The following TRABD2B variants were observed in gnomAD, a reference collection of about 807,000 sequenced individuals.
TRABD2B encodes TraB domain containing 2B.
A neutral mutation model predicts 40.1 loss-of-function variants in TRABD2B; 14 were observed. That is an observed-to-expected ratio of 0.35 (90% CI 0.23 to 0.55). The LOEUF (loss-of-function observed/expected upper bound fraction) is 0.55. Ranked by LOEUF, TRABD2B falls within the 20% of genes least tolerant of loss-of-function variation. The probability of loss-of-function intolerance (pLI) is 0.90; values close to 1 mark genes in which losing one functional copy is unlikely to be tolerated. For missense variants in TRABD2B, 541 were observed against 648.6 expected, an observed-to-expected ratio of 0.83 and a Z score of 1.80; for synonymous variants, 263 against 277.0, an observed-to-expected ratio of 0.95 and a Z score of 0.50.
chr1:47,761,800 A>AC lies in TRABD2B; in HGVS notation c.*4101_*4102insG, dbSNP rs1298539510. On this transcript the variant is annotated 3_prime_UTR_variant, in exon 7 of 7. Coordinates refer to ENST00000606738, the MANE Select transcript of TRABD2B (RefSeq NM_001194986.2). ...CCCCAGACAGCTTTGGCTTGGTGGA[A>AC]ATTATGCCACTGGTGGAACTAAGGT... 1 of 152,154 alleles carries AC rather than the reference A, an allele frequency of 6.6e-6. No individual in the cohort carries two copies. Among genetic ancestry groups the AC allele is most frequent in the East Asian group, 1.9e-4 (1 of 5,184 alleles). The allele number at this position is 152,154 out of a possible 1,614,324, so 9.4% of individuals were successfully genotyped here.
At chr1:47,922,426 T>C (rs1180122065) in intron 2 of TRABD2B, among the ~76,000 whole-genome samples, 2 of 152,070 alleles carry the variant, frequency 1.3e-5, no homozygotes, top group Non-Finnish European at 2.9e-5. Flanking sequence ...GTGGTCAAGG[T>C]GGATCATAAC....
intron 2 of TRABD2B, among the ~76,000 whole-genome samples, chr1:47,884,299 T>G (rs1429643361): frequency 3.3e-5 from 5 of 152,242 alleles, no homozygotes; most frequent in Non-Finnish European, 5.9e-5. Flanking sequence ...GTGTGGAATT[T>G]TCCTGTCCTT....
chr1:47,912,964 C>A (rs187553466), intron 2 of TRABD2B, among the ~76,000 whole-genome samples: 1 of 152,296 alleles, frequency 6.6e-6, no homozygotes, highest in East Asian at 1.9e-4. Flanking sequence ...CCGGAACCCC[C>A]TGTGCCTTCC....
chr1:47,952,482 T>C (rs1201220100), intron 2 of TRABD2B, among the ~76,000 whole-genome samples: 1 of 152,174 alleles, frequency 6.6e-6, no homozygotes, highest in Non-Finnish European at 1.5e-5. Flanking sequence ...CCAGGCTACT[T>C]CAGGCCTCCA....
chr1:47,778,556 G>A lies in TRABD2B; in HGVS notation c.989-12C>T. ...CCCCAGAAAGTGACCTGGAACACAAGTGACAAAAGGGGCTCAGCCACATGC... is the reference window on the plus strand; with the variant it reads ...CCCCAGAAAGTGACCTGGAACACAAATGACAAAAGGGGCTCAGCCACATGC... On this transcript the variant is annotated splice_polypyrimidine_tract_variant and intron_variant, in intron 4 of 6. Coordinates refer to ENST00000606738, the MANE Select transcript of TRABD2B (RefSeq NM_001194986.2). 6.5e-7 allele frequency: 1 copy of A among 1,532,604 alleles called. No individual in the cohort carries two copies. The allele number at this position is 1,532,604 out of a possible 1,614,324, so 94.9% of individuals were successfully genotyped here.
intron 2 of TRABD2B, among the ~76,000 whole-genome samples, chr1:47,978,322 G>A (rs1009959690): frequency 1.3e-5 from 2 of 152,300 alleles, no homozygotes; most frequent in South Asian, 2.1e-4. Context: ...AGAACTGTGA[G>A]AAATAGATTT....
At chr1:47,916,779 C>T (rs1257917305) in intron 2 of TRABD2B, among the ~76,000 whole-genome samples, 1 of 152,178 alleles carries the variant, frequency 6.6e-6, no homozygotes, top group African/African-American at 2.4e-5. Flanking sequence ...TCTTCTCCTT[C>T]TCTATTCAAA....
At position 47,840,659 on chromosome 1, in the gene TRABD2B, T is replaced by A. The variant is rs111944925; in HGVS notation, c.667-39040A>T. ...AATCCATAAATATATTTGACATCTT[T>A]AATTGGAATCAGGCCCCCCCAGGTC... is the stretch of plus-strand genomic sequence containing the variant. On this transcript the variant is annotated intron_variant, in intron 2 of 6. Transcript: ENST00000606738. 1.2e-4 allele frequency among the ~76,000 whole-genome samples: 19 copies of A among 152,270 alleles called. 3 individuals are homozygous for A. The highest frequency in any genetic ancestry group is 4.3e-4 in the African/African-American group (18 of 41,554).
At chr1:47,915,278 G>A (rs889624587) in intron 2 of TRABD2B, among the ~76,000 whole-genome samples, 2 of 152,264 alleles carry the variant, frequency 1.3e-5, no homozygotes, top group Non-Finnish European at 2.9e-5. Context: ...GCATTGCCTC[G>A]GTAGGCAACA....
At chr1:47,801,718 C>T in intron 2 of TRABD2B, 99 bp from the exon 3 acceptor site, 1 of 1,399,860 alleles carries the variant, frequency 7.1e-7, no homozygotes, top group Non-Finnish European at 9.5e-7. Flanking sequence ...AGCAACAGGC[C>T]TGAAACAGAG....
chr1:47,778,686 T>C, intron 4 of TRABD2B, 142 bp from the exon 5 acceptor site: 1 of 666,806 alleles, frequency 1.5e-6, no homozygotes, highest in South Asian at 1.7e-5. Flanking sequence ...AGAGGCAGTA[T>C]AGCATAGAAG....
At chr1:47,993,099 T>C (rs2148464024) in intron 2 of TRABD2B, among the ~76,000 whole-genome samples, 1 of 152,324 alleles carries the variant, frequency 6.6e-6, no homozygotes, top group Non-Finnish European at 1.5e-5. Flanking sequence ...GTCTCCTTAA[T>C]GGGCAGCACG....
intron 2 of TRABD2B, among the ~76,000 whole-genome samples, chr1:47,925,112 C>G (rs1047593402): frequency 6.6e-6 from 1 of 152,214 alleles, no homozygotes; most frequent in Non-Finnish European, 1.5e-5. Context: ...ACCTTCTCTA[C>G]CTCCTAAGGT....
At chr1:47,958,789 A>G (rs1456811245) in intron 2 of TRABD2B, among the ~76,000 whole-genome samples, 3 of 152,222 alleles carry the variant, frequency 2.0e-5, no homozygotes, top group Non-Finnish European at 4.4e-5. Context: ...CACTGTCAAC[A>G]TTAGTCAGAT....
chr1:47,995,065 G>T (rs1646070654), intron 1 of TRABD2B, among the ~76,000 whole-genome samples: 1 of 152,114 alleles, frequency 6.6e-6, no homozygotes, highest in Non-Finnish European at 1.5e-5. Flanking sequence ...CGGAGGGTGG[G>T]GAAAGGAGGA....
intron 2 of TRABD2B, among the ~76,000 whole-genome samples, chr1:47,953,473 G>C (rs1406470827): frequency 6.6e-6 from 1 of 152,080 alleles, no homozygotes; most frequent in Admixed American, 6.5e-5. Context: ...GACACAGGAA[G>C]CTCCCCACCC....
At chr1:47,818,703 C>G (rs762924036) in intron 2 of TRABD2B, 1 of 152,248 alleles carries the variant, frequency 6.6e-6, no homozygotes, top group Non-Finnish European at 1.5e-5. Context: ...GAGGAAAGAG[C>G]GCTCCTCTCT....
At chr1:47,849,362 G>T in intron 2 of TRABD2B, among the ~76,000 whole-genome samples, 1 of 152,182 alleles carries the variant, frequency 6.6e-6, no homozygotes. Context: ...GAACGAAGGA[G>T]GAAGGCCCCA....
At chr1:47,808,291 CGTGTGTGTGT>C (rs57152316) in intron 2 of TRABD2B, among the ~76,000 whole-genome samples, 1 of 150,442 alleles carries the variant, frequency 6.6e-6, no homozygotes, top group African/African-American at 2.4e-5. Context: ...ACCAACACTA[CGTGTGTGTGT>C]GTGTGTGTGT....
Sources: allele counts gnomAD v4.1 joint callset (sites outside exome capture counted in the v4.1 genomes callset), GRCh38; gene constraint gnomAD v4.1.1; transcripts MANE v1.5; gene names NCBI Gene and HGNC (gene_info 2026-07-23, HGNC 2026-07-21).